The following KCNQ2 variants were observed in gnomAD, a reference collection of about 807,000 sequenced individuals.
KCNQ2 encodes potassium voltage-gated channel subfamily Q member 2.
Under a neutral mutation model 84.8 loss-of-function variants are expected in KCNQ2, and 14 were observed. The observed-to-expected ratio is 0.17, with a 90% CI of 0.11 to 0.26. The LOEUF (loss-of-function observed/expected upper bound fraction) is 0.26, where lower values mean the gene tolerates loss of function less well. Among genes scored for constraint, KCNQ2 ranks in the 10% least tolerant of loss-of-function variants. The pLI is 1.00. For synonymous variants in KCNQ2, 599 were observed against 554.1 expected, an observed-to-expected ratio of 1.08 and a Z score of -1.14; for missense variants, 788 against 1,254.0, an observed-to-expected ratio of 0.63 and a Z score of 5.61.
intron 7 of KCNQ2, among the ~76,000 whole-genome samples, chr20:63,435,398 A>AC (rs201796930): frequency 0.025 from 3,824 of 151,252 alleles, 206 homozygotes; most frequent in South Asian, 0.17. Flanking sequence ...AACAACAACA[A>AC]AAAAAAAAAG....
intron 11 of KCNQ2, among the ~76,000 whole-genome samples, chr20:63,422,884 C>T (rs941805429): frequency 6.6e-6 from 1 of 152,150 alleles, no homozygotes; most frequent in Admixed American, 6.5e-5. Context: ...GGCCCTGCCA[C>T]GCGGAAGCCG....
At chr20:63,442,777 C>G (rs942214781) in intron 4 of KCNQ2, among the ~76,000 whole-genome samples, 1 of 31,824 alleles carries the variant, frequency 3.1e-5, no homozygotes, top group African/African-American at 1.8e-4. Context: ...TCACCATCAC[C>G]ACCACCACCA....
rs991795953 is a variant in KCNQ2 at position 63,408,022 on chromosome 20, G to T, written c.1887+391C>A. ...AGGCCCCAAAACAAGGGTCCTCTGCGGTGGTTCCTGAGAATGCACCCCCAG... is the reference window on the plus strand; with the variant it reads ...AGGCCCCAAAACAAGGGTCCTCTGCTGTGGTTCCTGAGAATGCACCCCCAG... On this transcript the variant is annotated intron_variant, in intron 16 of 16. Coordinates refer to ENST00000359125, the MANE Select transcript of KCNQ2 (RefSeq NM_172107.4). The surrounding 1 kb of genome is among the most constrained non-coding windows in gnomAD (Gnocchi z 5.0). 1.7e-5 allele frequency: 5 copies of T among 293,872 alleles called. No individual in the cohort carries two copies. Among genetic ancestry groups the T allele is most frequent in the Admixed American group, 4.4e-5 (1 of 22,488 alleles). The allele number at this position is 293,872 out of a possible 1,614,324, so 18.2% of individuals were successfully genotyped here. A position where few individuals can be genotyped will look rare whatever the true frequency, so the allele number is the denominator to read the frequency against.
At position 63,407,658 on chromosome 20, in the gene KCNQ2, C is replaced by A. The variant is rs2079991993; in HGVS notation, c.1888-283G>T. Among the ~76,000 whole-genome samples, 1 of 151,578 alleles carries A rather than the reference C, an allele frequency of 6.6e-6. No homozygotes were observed. The highest frequency in any genetic ancestry group is 2.4e-5 in the African/African-American group (1 of 41,236). ...GCTAGTCCCAGGAAATGGGGGGGACCCAGGCTGGTCCTAGGAGATGGGGGG... is the reference window on the plus strand; with the variant it reads ...GCTAGTCCCAGGAAATGGGGGGGACACAGGCTGGTCCTAGGAGATGGGGGG... On this transcript the variant is annotated intron_variant, in intron 16 of 16. Coordinates refer to ENST00000359125, the MANE Select transcript of KCNQ2 (RefSeq NM_172107.4). The surrounding 1 kb of genome is among the most constrained non-coding windows in gnomAD (Gnocchi z 7.2).
At chr20:63,417,398 T>C (rs997596464) in intron 12 of KCNQ2, among the ~76,000 whole-genome samples, 15 of 152,238 alleles carry the variant, frequency 9.9e-5, no homozygotes, top group Non-Finnish European at 1.8e-4. Flanking sequence ...AATTCCTCTC[T>C]CTGCGTTTCC....
chr20:63,442,649 ATC>A, intron 4 of KCNQ2, 118 bp from the exon 5 acceptor site: 2 of 825,684 alleles, frequency 2.4e-6, no homozygotes, highest in South Asian at 1.4e-5. Context: ...CACCAAAACC[ATC>A]ACCACCACCA....
intron 1 of KCNQ2, among the ~76,000 whole-genome samples, chr20:63,456,614 C>T (rs887520829): frequency 6.6e-6 from 1 of 152,184 alleles, no homozygotes; most frequent in Non-Finnish European, 1.5e-5. Context: ...TCCCACTCCA[C>T]GGGCTAAGCT....
rs2079967631 is a variant in KCNQ2 at position 63,407,106 on chromosome 20, C to T, written c.2157G>A (p.Gln719=). 6.5e-7 allele frequency: 1 copy of T among 1,542,030 alleles called. No homozygotes were observed. Among genetic ancestry groups the T allele is most frequent in the Non-Finnish European group, 8.7e-7 (1 of 1,146,396 alleles). ...GGCCCTGGCGCGGGTGGCTCTGTGG[C>T]TGCCAGGAGGTGGAGGGCGGACACT... is the stretch of plus-strand genomic sequence containing the variant. ...PVQCPPSTSW[Q]PQSHPRQGHG... is the part of the protein sequence containing the mutation. Residue 719 remains glutamine, a synonymous_variant, in exon 17 of 17, where the codon CAG becomes CAA. Coordinates refer to ENST00000359125, the MANE Select transcript of KCNQ2 (RefSeq NM_172107.4). The surrounding 1 kb of genome is among the most constrained non-coding windows in gnomAD (Gnocchi z 7.2).
At chr20:63,411,924 C>A in intron 15 of KCNQ2, 1 of 709,410 alleles carries the variant, frequency 1.4e-6, no homozygotes. Context: ...CGAAACGCAT[C>A]GTAAAGCCAC....
intron 1 of KCNQ2, among the ~76,000 whole-genome samples, chr20:63,467,826 G>A (rs531662009): frequency 2.0e-5 from 3 of 152,272 alleles, no homozygotes; most frequent in South Asian, 2.1e-4. Context: ...CCTGGGGGCC[G>A]AGAATCCTTA....
intron 7 of KCNQ2, chr20:63,434,227 G>A: frequency 2.6e-6 from 1 of 385,618 alleles, no homozygotes; most frequent in East Asian, 4.5e-5. Flanking sequence ...CCCCTGGCGG[G>A]TATCACCTGT....
intron 10 of KCNQ2, 124 bp downstream of exon 10, chr20:63,428,243 G>A (rs111658647): frequency 6.3e-5 from 46 of 729,996 alleles, no homozygotes; most frequent in Non-Finnish European, 9.1e-5. Flanking sequence ...CAAGTCCAGC[G>A]TCCCCGCGCG....
intron 10 of KCNQ2, among the ~76,000 whole-genome samples, 167 bp downstream of exon 10, chr20:63,428,200 A>T (rs1435167659): frequency 2.6e-5 from 4 of 152,128 alleles, no homozygotes; most frequent in Non-Finnish European, 5.9e-5. Flanking sequence ...AGACCAGGTC[A>T]GCAGACGCGA....
chr20:63,453,262 G>A (rs369328441), intron 1 of KCNQ2, among the ~76,000 whole-genome samples: 5 of 152,334 alleles, frequency 3.3e-5, no homozygotes, highest in East Asian at 3.9e-4. Context: ...GGGGGCACTC[G>A]GCCCCGCCCA....
At chr20:63,412,433 C>T (rs1156882228) in intron 15 of KCNQ2, among the ~76,000 whole-genome samples, 2 of 152,206 alleles carry the variant, frequency 1.3e-5, no homozygotes, top group African/African-American at 4.8e-5. Context: ...CAGGGTTGGC[C>T]GCTGCTCCAG....
chr20:63,442,744 C>T (rs1600769860), intron 4 of KCNQ2, among the ~76,000 whole-genome samples: 1 of 104,056 alleles, frequency 9.6e-6, no homozygotes, highest in Non-Finnish European at 1.9e-5. Flanking sequence ...CCTCCACCAT[C>T]ACCACCATCA....
At position 63,416,903 on chromosome 20, in the gene KCNQ2, GCCCACTCAGCAGACCATCTGTC is replaced by G. The variant is rs578182116; in HGVS notation, c.1302-1799_1302-1778del. Among the ~76,000 whole-genome samples, 323 of 152,238 alleles carry G rather than the reference GCCCACTCAGCAGACCATCTGTC, an allele frequency of 2.1e-3. 2 individuals are homozygous for G. The highest frequency in any genetic ancestry group is 2.9e-3 in the Non-Finnish European group (195 of 68,004). ...GCAGGTGACCGCCCAGACCATCTGT[GCCCACTCAGCAGACCATCTGTC>G]CCCACTCAGGCGTCTCTGAGAGAAA... On this transcript the variant is annotated intron_variant, in intron 12 of 16. Transcript: ENST00000359125.
intron 5 of KCNQ2, 87 bp from the exon 6 acceptor site, chr20:63,439,795 G>T: frequency 2.0e-6 from 2 of 992,346 alleles, no homozygotes; most frequent in Non-Finnish European, 3.2e-6. Context: ...TCGGGGCTTG[G>T]GATGGGACAG....
chr20:63,462,559 C>G (rs895497918), intron 1 of KCNQ2, among the ~76,000 whole-genome samples: 4 of 152,214 alleles, frequency 2.6e-5, no homozygotes, highest in African/African-American at 9.7e-5. Context: ...CGGGTTTCCA[C>G]AAAAATGTAA....
Sources: gnomAD v4.1 joint callset for allele counts (sites outside exome capture counted in the v4.1 genomes callset) on GRCh38, gnomAD v4.1.1 for gene constraint, Gnocchi (gnomAD v3.1) non-coding constraint, MANE v1.5 for transcripts, NCBI Gene and HGNC (gene_info 2026-07-23, HGNC 2026-07-21) for gene names.